RGS22: variants seen among roughly 807,000 people sequenced by gnomAD.
The protein encoded by RGS22 is regulator of G protein signaling 22, also known as regulator of G-protein signaling 22.
RGS22 carries 148 observed loss-of-function variants against 172.9 expected under a neutral mutation model. That is an observed-to-expected ratio of 0.86 (90% CI 0.75 to 0.98). RGS22 has a LOEUF of 0.98. RGS22 is among the 50% of genes least tolerant of loss of function. The pLI is 0.00. For synonymous variants in RGS22, 458 were observed against 480.2 expected (o/e 0.95, Z 0.60); for missense variants, 1,347 against 1,440.8 (o/e 0.93, Z 1.05).
chr8:99,998,685 C>G (rs1277922570), intron 19 of RGS22, among the ~76,000 whole-genome samples: 1 of 152,140 alleles, frequency 6.6e-6, no homozygotes, highest in African/African-American at 2.4e-5. Flanking sequence ...GGGTTTCACT[C>G]TGTCACCCAG....
intron 4 of RGS22, among the ~76,000 whole-genome samples, chr8:100,078,920 G>A (rs1437461952): frequency 6.6e-6 from 1 of 152,176 alleles, no homozygotes; most frequent in Non-Finnish European, 1.5e-5. Context: ...AGCCATTGCA[G>A]CTGGCCTGTT....
At chr8:99,978,992 A>C (rs567589500) in intron 22 of RGS22, among the ~76,000 whole-genome samples, 61 of 152,242 alleles carry the variant, frequency 4.0e-4, no homozygotes, top group Non-Finnish European at 6.9e-4. Flanking sequence ...GAATGCTATT[A>C]GTAATACTAA....
At chr8:100,018,600 CT>C (rs2131437808) in intron 14 of RGS22, among the ~76,000 whole-genome samples, 1 of 152,224 alleles carries the variant, frequency 6.6e-6, no homozygotes, top group Non-Finnish European at 1.5e-5. Flanking sequence ...CTGTTTGCAT[CT>C]TCAAGGAAAT....
chr8:100,048,462 T>C (rs900804829), intron 10 of RGS22, among the ~76,000 whole-genome samples: 6 of 152,126 alleles, frequency 3.9e-5, no homozygotes, highest in African/African-American at 1.4e-4. Flanking sequence ...AAAACAAACA[T>C]ACAAAACTTT....
chr8:100,085,317 G>A (rs1374732330), intron 3 of RGS22, among the ~76,000 whole-genome samples: 1 of 151,754 alleles, frequency 6.6e-6, no homozygotes, highest in Non-Finnish European at 1.5e-5. Flanking sequence ...GCCAATACAG[G>A]GCATCCTCCA....
chr8:100,036,636 C>T (rs2131578206), intron 14 of RGS22, among the ~76,000 whole-genome samples: 1 of 152,264 alleles, frequency 6.6e-6, no homozygotes, highest in East Asian at 1.9e-4. Flanking sequence ...TCTTGTTCTG[C>T]CACCCAGACT....
Position 99,982,016 on chromosome 8 carries a change from A to G in RGS22, c.3281T>C (p.Ile1094Thr). The change falls in exon 22 of 28, where the codon ATT becomes ACT. Residue 1094 changes from isoleucine to threonine, a missense_variant. Ile to Thr is a moderately conservative substitution (Grantham distance 89). Coordinates refer to ENST00000360863, the MANE Select transcript of RGS22 (RefSeq NM_015668.5). ...INSSIPPALQ[I>T]DIPVEQAQKI... ...CTGGGCTTGCTCTACTGGAATGTCA[A>G]TTTGTAAAGCTGGTGGAATACTGGA... The G allele has an allele frequency of 6.2e-7, 1 of 1,613,972 alleles. No homozygotes were observed. Among genetic ancestry groups the G allele is most frequent in the African/African-American group, 1.3e-5 (1 of 75,012 alleles).
At chr8:100,057,742 T>G (rs1158550812) in intron 9 of RGS22, among the ~76,000 whole-genome samples, 1 of 152,150 alleles carries the variant, frequency 6.6e-6, no homozygotes, top group Non-Finnish European at 1.5e-5. Flanking sequence ...CTTTATATAT[T>G]ACTCAGTCTC....
chr8:99,974,154 C>T (rs578086853), intron 23 of RGS22, among the ~76,000 whole-genome samples: 2 of 152,262 alleles, frequency 1.3e-5, no homozygotes, highest in South Asian at 4.1e-4. Flanking sequence ...CTGGTTACTA[C>T]TTGCATGAGA....
chr8:100,047,585 G>GAGCT lies in RGS22; in HGVS notation c.1700_1701insAGCT (p.Phe567LeufsTer9), dbSNP rs747496693. 1.9e-6 allele frequency: 3 copies of GAGCT among 1,607,406 alleles called. No homozygotes were observed. Among genetic ancestry groups the GAGCT allele is most frequent in the Non-Finnish European group, 2.5e-6 (3 of 1,177,988 alleles). ...GAGATTTAGGAGGTTGTGATAAGCT[G>GAGCT]AATTCTTCTTTCTAAAAGATGGTAA... On this transcript the variant is annotated frameshift_variant, in exon 11 of 28. Coordinates refer to ENST00000360863, the MANE Select transcript of RGS22 (RefSeq NM_015668.5). LOFTEE classifies it high-confidence loss of function.
At position 100,052,152 on chromosome 8, in the gene RGS22, T is replaced by TATATATAAATATATAAAC. The variant is rs1237762961; in HGVS notation, c.1689+632_1689+649dup. Among the ~76,000 whole-genome samples, 254 of 61,570 alleles carry TATATATAAATATATAAAC rather than the reference T, an allele frequency of 4.1e-3. 63 individuals carry two copies. Among genetic ancestry groups the TATATATAAATATATAAAC allele is most frequent in the African/African-American group, 0.024 (243 of 10,094 alleles). The allele number at this position is 61,570 out of a possible 152,430, so 40.4% of individuals were successfully genotyped here. A position where few individuals can be genotyped will look rare whatever the true frequency, so the allele number is the denominator to read the frequency against. The stretch of plus-strand genomic sequence containing the variant: ...ATAAATATATAAACATATATTAATA[T>TATATATAAATATATAAAC]ATATATAAATATATAAACATATATA... On this transcript the variant is annotated intron_variant, in intron 10 of 27. Coordinates refer to ENST00000360863, the MANE Select transcript of RGS22 (RefSeq NM_015668.5).
intron 14 of RGS22, among the ~76,000 whole-genome samples, chr8:100,017,107 C>T (rs1239611877): frequency 6.9e-6 from 1 of 145,114 alleles, no homozygotes; most frequent in Non-Finnish European, 1.5e-5. Context: ...AAGCAATCCT[C>T]TTGTCAACTT....
At chr8:100,104,141 A>C (rs1347238417) in intron 2 of RGS22, among the ~76,000 whole-genome samples, 1 of 152,118 alleles carries the variant, frequency 6.6e-6, no homozygotes, top group Non-Finnish European at 1.5e-5. Context: ...AACATGGTGA[A>C]ACTCTGTCTC....
At chr8:100,081,604 A>G (rs964900940) in intron 3 of RGS22, among the ~76,000 whole-genome samples, 1 of 152,180 alleles carries the variant, frequency 6.6e-6, no homozygotes, top group East Asian at 1.9e-4. Context: ...GATATATTTC[A>G]TTAGTTGCCC....
chr8:99,965,308 G>T (rs1436628801), intron 24 of RGS22, 27 bp downstream of exon 24: 1 of 1,481,906 alleles, frequency 6.7e-7, no homozygotes, highest in Non-Finnish European at 9.4e-7. Flanking sequence ...GCGGGGAAAT[G>T]AGGTCTGCAC....
chr8:100,100,938 CTG>C (rs1813422470), intron 2 of RGS22, among the ~76,000 whole-genome samples: 2 of 152,226 alleles, frequency 1.3e-5, no homozygotes, highest in East Asian at 1.9e-4. Context: ...GTTAATAAAA[CTG>C]TGGGTTTTCT....
chr8:100,098,454 G>C (rs1414647048), intron 2 of RGS22, among the ~76,000 whole-genome samples: 1 of 152,212 alleles, frequency 6.6e-6, no homozygotes, highest in Admixed American at 6.5e-5. Context: ...AGCTTGCCTA[G>C]ATCAAGGCAT....
At chr8:100,093,852 CAG>C (rs1278312158) in intron 2 of RGS22, among the ~76,000 whole-genome samples, 3 of 152,142 alleles carry the variant, frequency 2.0e-5, no homozygotes, top group Non-Finnish European at 2.9e-5. Context: ...AAGTTTCACA[CAG>C]ACTTATTAAA....
intron 14 of RGS22, among the ~76,000 whole-genome samples, chr8:100,037,899 G>A (rs1819669352): frequency 6.6e-6 from 1 of 152,108 alleles, no homozygotes; most frequent in Non-Finnish European, 1.5e-5. Context: ...GCTATGTAGG[G>A]GCTGAAGCCC....
Sources: allele counts gnomAD v4.1 joint callset (sites outside exome capture counted in the v4.1 genomes callset), GRCh38; gene constraint gnomAD v4.1.1; transcripts MANE v1.5; gene names NCBI Gene and HGNC (gene_info 2026-07-23, HGNC 2026-07-21).